Variants in GNAL observed in about 807,000 individuals in gnomAD.
The protein encoded by GNAL is G protein subunit alpha L.
GNAL carries 18 observed loss-of-function variants against 55.1 expected under a neutral mutation model. The ratio of observed to expected loss-of-function variants is 0.33; its 90% CI spans 0.23 to 0.48. The LOEUF (loss-of-function observed/expected upper bound fraction) is 0.48. GNAL is among the 20% of genes least tolerant of loss of function. The pLI, the probability that GNAL is intolerant of heterozygous loss-of-function variation, is 0.99. For synonymous variants in GNAL, 253 were observed against 237.0 expected (o/e 1.07, Z -0.62); for missense variants, 412 against 614.1 (o/e 0.67, Z 3.48).
At position 11,752,928 on chromosome 18, in the gene GNAL, A is replaced by G; in HGVS notation, c.449+3A>G. 2 of 1,576,452 alleles carry G rather than the reference A, an allele frequency of 1.3e-6. No individual in the cohort carries two copies. Among genetic ancestry groups the G allele is most frequent in the Non-Finnish European group, 1.7e-6 (2 of 1,146,366 alleles). ...CACGTCAATGGGTTTAATCCCGAGT[A>G]AGAATGTTCAGTTTGCTTCCAAACT... On this transcript the variant is annotated splice_donor_region_variant and intron_variant, in intron 2 of 11. Coordinates refer to ENST00000334049, the MANE Select transcript of GNAL (RefSeq NM_182978.4). This position sits in a 1 kb window ranked among gnomAD's most constrained non-coding sequence, Gnocchi z 4.5.
intron 1 of GNAL, among the ~76,000 whole-genome samples, chr18:11,748,948 A>G (rs1319339288): frequency 1.3e-5 from 2 of 152,098 alleles, no homozygotes; most frequent in Non-Finnish European, 2.9e-5. Context: ...AACATGGTGA[A>G]ACCCCGTCTC....
chr18:11,853,851 C>G (rs1226326426), intron 5 of GNAL: 1 of 167,066 alleles, frequency 6.0e-6, no homozygotes, highest in Admixed American at 6.5e-5. Context: ...GAGACAGAGT[C>G]TCGCTCTGTT....
At chr18:11,799,585 A>G (rs189051854) in intron 4 of GNAL, among the ~76,000 whole-genome samples, 1 of 152,152 alleles carries the variant, frequency 6.6e-6, no homozygotes, top group Non-Finnish European at 1.5e-5. Flanking sequence ...CAAAATCCTA[A>G]ATGTTCTGAG....
intron 1 of GNAL, among the ~76,000 whole-genome samples, chr18:11,725,354 C>T (rs553677105): frequency 3.9e-5 from 6 of 152,236 alleles, no homozygotes; most frequent in African/African-American, 9.6e-5. Flanking sequence ...GGACGCCATC[C>T]GCAAGCCAGG....
chr18:11,866,838 A>C lies in GNAL; in HGVS notation c.852-330A>C, dbSNP rs559200410. On this transcript the variant is annotated intron_variant, in intron 7 of 11. Coordinates refer to ENST00000334049, the MANE Select transcript of GNAL (RefSeq NM_182978.4). ...CTCAGAGAGGCCTGAGTGTCTGAGC[A>C]GGTAACCTCTAGCATTACTGAGCTA... 1.1e-4 allele frequency among the ~76,000 whole-genome samples: 15 copies of C among 140,152 alleles called. No individual in the cohort carries two copies. The South Asian group carries it at 3.1e-3, about 29-fold the overall frequency. 91.9% of individuals were successfully genotyped at this position (140,152 alleles called of 152,430 possible).
chr18:11,868,798 C>T lies in GNAL; in HGVS notation c.1031+135C>T. ...GGCCGAGGCAGGTGTGTCACTTGAG[C>T]TCAGCAGTTGGAGACTAGCCTGGGC... On this transcript the variant is annotated intron_variant, in intron 9 of 11. Transcript: ENST00000334049. This position sits in a 1 kb window ranked among gnomAD's most constrained non-coding sequence, Gnocchi z 4.0. 2 of 668,238 alleles carry T rather than the reference C, an allele frequency of 3.0e-6. No individual in the cohort carries two copies. Among genetic ancestry groups the T allele is most frequent in the Non-Finnish European group, 4.9e-6 (2 of 404,390 alleles). 41.4% of individuals were successfully genotyped at this position (668,238 alleles called of 1,614,324 possible). A position where few individuals can be genotyped will look rare whatever the true frequency, so the allele number is the denominator to read the frequency against.
At chr18:11,852,291 G>A (rs2035894147) in intron 5 of GNAL, 8 of 730,190 alleles carry the variant, frequency 1.1e-5, no homozygotes, top group Non-Finnish European at 1.8e-5. Context: ...TGCACTCTTA[G>A]CTGGATTCTA....
At chr18:11,721,743 C>T (rs1179810652) in intron 1 of GNAL, among the ~76,000 whole-genome samples, 1 of 151,978 alleles carries the variant, frequency 6.6e-6, no homozygotes, top group African/African-American at 2.4e-5. Flanking sequence ...GTCAGGTTTT[C>T]ACCATGTTGG....
intron 1 of GNAL, among the ~76,000 whole-genome samples, chr18:11,745,128 T>A (rs1237947270): frequency 2.0e-5 from 3 of 152,242 alleles, no homozygotes; most frequent in Admixed American, 1.3e-4. Context: ...ATTGTTTTTT[T>A]ATTAAAATTT....
rs1478957750 is a variant in GNAL, at chr18:11,752,432, G to A, written c.377-421G>A. On this transcript the variant is annotated intron_variant, in intron 1 of 11. Coordinates refer to ENST00000334049, the MANE Select transcript of GNAL (RefSeq NM_182978.4). This position sits in a 1 kb window ranked among gnomAD's most constrained non-coding sequence, Gnocchi z 4.5. The stretch of plus-strand genomic sequence containing the variant: ...TCCTGACGTCCATCCCAGCGGGCAG[G>A]CATGGGGTGTTTGGGCGGCAACAGC... 3 of 1,607,558 alleles carry A rather than the reference G, an allele frequency of 1.9e-6. No homozygotes were observed. The highest frequency in any genetic ancestry group is 2.5e-6 in the Non-Finnish European group (3 of 1,177,450).
intron 1 of GNAL, among the ~76,000 whole-genome samples, chr18:11,701,788 G>T (rs2031578613): frequency 6.6e-6 from 1 of 152,116 alleles, no homozygotes; most frequent in Admixed American, 6.5e-5. Context: ...GAAAGTTTGA[G>T]CAACAGTGTG....
At chr18:11,788,914 A>AATATATATATATATATATAT (rs766675246) in intron 4 of GNAL, among the ~76,000 whole-genome samples, 7 of 56,298 alleles carry the variant, frequency 1.2e-4, no homozygotes, top group South Asian at 9.6e-4. Context: ...AAAAAAAAAA[A>AATATATATATATATATATAT]ATATATATAT....
At chr18:11,862,472 A>G (rs2036168731) in intron 6 of GNAL, 23 bp downstream of exon 6, 3 of 1,515,468 alleles carry the variant, frequency 2.0e-6, no homozygotes, top group African/African-American at 1.4e-5. Context: ...AGGGTCCCCC[A>G]CCACACACCA....
chr18:11,692,252 G>A (rs1487189583), intron 1 of GNAL, among the ~76,000 whole-genome samples: 1 of 152,164 alleles, frequency 6.6e-6, no homozygotes, highest in East Asian at 1.9e-4. Context: ...TTGAGTTTGA[G>A]AGGACTTGTC....
At chr18:11,692,864 C>T (rs1437976489) in intron 1 of GNAL, among the ~76,000 whole-genome samples, 3 of 152,248 alleles carry the variant, frequency 2.0e-5, no homozygotes, top group Non-Finnish European at 4.4e-5. Context: ...CCAGGCTGAT[C>T]TCAAACTCCT....
intron 1 of GNAL, chr18:11,747,607 GATA>G (rs1377272164): frequency 3.3e-5 from 5 of 151,630 alleles, no homozygotes; most frequent in Non-Finnish European, 7.3e-5. Flanking sequence ...TGTTGTGAAG[GATA>G]GGGGTACTGG....
intron 5 of GNAL, 83 bp downstream of exon 5, chr18:11,825,098 G>C: frequency 2.6e-6 from 2 of 771,560 alleles, no homozygotes; most frequent in Non-Finnish European, 4.4e-6. Context: ...CAGTACTGAA[G>C]TTTCTTGAGT....
At chr18:11,786,548 A>G (rs1476001911) in intron 4 of GNAL, among the ~76,000 whole-genome samples, 14 of 119,994 alleles carry the variant, frequency 1.2e-4, no homozygotes, top group Non-Finnish European at 2.2e-4. Flanking sequence ...TCCTGGGTTT[A>G]TGCCATTCTC....
intron 4 of GNAL, among the ~76,000 whole-genome samples, chr18:11,788,010 G>A (rs527417187): frequency 1.3e-5 from 2 of 152,214 alleles, no homozygotes; most frequent in Admixed American, 1.3e-4. Context: ...ATTTCCTTCT[G>A]CAAACTTCCC....
Sources: gnomAD v4.1 joint callset for allele counts (sites outside exome capture counted in the v4.1 genomes callset) on GRCh38, gnomAD v4.1.1 for gene constraint, Gnocchi (gnomAD v3.1) non-coding constraint, MANE v1.5 for transcripts, NCBI Gene and HGNC (gene_info 2026-07-23, HGNC 2026-07-21) for gene names.